The following HDAC9 variants were observed in gnomAD, a reference collection of about 807,000 sequenced individuals.
The protein encoded by HDAC9 is MEF-2 interacting transcription repressor (MITR) protein.
Under a neutral mutation model 139.4 loss-of-function variants are expected in HDAC9, and 41 were observed. The observed-to-expected ratio is 0.29, with a 90% CI of 0.23 to 0.38. HDAC9 has a LOEUF of 0.38. Among genes scored for constraint, HDAC9 ranks in the 10% least tolerant of loss-of-function variants. HDAC9 has a pLI of 1.00. For synonymous variants in HDAC9, 517 were observed against 476.2 expected, an observed-to-expected ratio of 1.09 and a Z score of -1.12; for missense variants, 1,147 against 1,297.0, an observed-to-expected ratio of 0.88 and a Z score of 1.78.
chr7:18,839,155 A>G (rs576029525), intron 21 of HDAC9, among the ~76,000 whole-genome samples: 5 of 152,074 alleles, frequency 3.3e-5, no homozygotes, highest in Non-Finnish European at 4.4e-5. Context: ...CAACTAAAAT[A>G]TATTTCCGAG....
chr7:18,859,800 G>T (rs1797956197), intron 21 of HDAC9, among the ~76,000 whole-genome samples: 1 of 88,792 alleles, frequency 1.1e-5, no homozygotes, highest in Non-Finnish European at 2.2e-5. Context: ...AAATATAAAG[G>T]CTAACGCTCT....
intron 23 of HDAC9, among the ~76,000 whole-genome samples, chr7:18,948,174 T>A (rs1782534140): frequency 6.6e-6 from 1 of 152,008 alleles, no homozygotes; most frequent in African/African-American, 2.4e-5. Flanking sequence ...ACGAAGATAC[T>A]CTTACTGCTT....
chr7:18,371,626 A>G (rs928145823), intron 1 of HDAC9, among the ~76,000 whole-genome samples: 1 of 152,214 alleles, frequency 6.6e-6, no homozygotes, highest in Non-Finnish European at 1.5e-5. Flanking sequence ...ACAATAGCAG[A>G]AACAATGGGT....
chr7:18,403,427 A>G (rs1274294849), intron 1 of HDAC9, among the ~76,000 whole-genome samples: 1 of 152,036 alleles, frequency 6.6e-6, no homozygotes, highest in Non-Finnish European at 1.5e-5. Flanking sequence ...ATTTCTTTCT[A>G]TCATAAAATC....
chr7:18,870,395 G>C (rs780757801), intron 21 of HDAC9, among the ~76,000 whole-genome samples: 10 of 151,980 alleles, frequency 6.6e-5, no homozygotes, highest in Non-Finnish European at 1.5e-4. Flanking sequence ...ATTTAAATTT[G>C]TTTAATATTT....
At chr7:18,568,026 GTATATATA>G (rs36203178) in intron 2 of HDAC9, among the ~76,000 whole-genome samples, 4,091 of 126,812 alleles carry the variant, frequency 0.032, 214 homozygotes, top group African/African-American at 0.099. Context: ...ATATGTATAT[GTATATATA>G]TATATATATA....
At chr7:18,542,538 A>T (rs1164529054) in intron 2 of HDAC9, among the ~76,000 whole-genome samples, 2 of 152,244 alleles carry the variant, frequency 1.3e-5, no homozygotes, top group Non-Finnish European at 2.9e-5. Context: ...CTTTGTATAG[A>T]ATATGTGCAG....
intron 21 of HDAC9, among the ~76,000 whole-genome samples, chr7:18,866,864 C>T (rs1322416915): frequency 6.6e-6 from 1 of 152,148 alleles, no homozygotes. Context: ...TGTGGTTCAA[C>T]TTAAGGACAA....
At position 18,644,775 on chromosome 7, in the gene HDAC9, A is replaced by G. The variant is rs377716329; in HGVS notation, c.1017A>G (p.Ala339=). 3 of 1,611,682 alleles carry G rather than the reference A, an allele frequency of 1.9e-6. No individual in the cohort carries two copies. In the African/African-American group the frequency reaches 4.0e-5, roughly 22 times the overall value. ...CCAACATTACCTTGGGGCTTCCCGC[A>G]GTGCCATCCCAGCTCAATGTAAGTC... ...SLPNITLGLP[A]VPSQLNASNS... The change falls in exon 9 of 26, where the codon GCA becomes GCG. Residue 339 remains alanine, a synonymous_variant. Transcript: ENST00000686413.
intron 13 of HDAC9, among the ~76,000 whole-genome samples, chr7:18,737,494 C>T (rs1307813806): frequency 6.6e-6 from 1 of 152,124 alleles, no homozygotes; most frequent in African/African-American, 2.4e-5. Flanking sequence ...GTTATTTACC[C>T]AGTAGTCATT....
chr7:18,928,875 A>G lies in HDAC9; in HGVS notation c.2804-6934A>G, dbSNP rs1371682625. 2.0e-5 allele frequency among the ~76,000 whole-genome samples: 3 copies of G among 151,972 alleles called. No homozygotes were observed. In the East Asian group the frequency reaches 5.8e-4, roughly 29 times the overall value. ...ATAACACTTTATATGATATATCACA[A>G]CATAGAGCCTGTTTATTATTATACT... On this transcript the variant is annotated intron_variant, in intron 22 of 25. Transcript: ENST00000686413.
At chr7:18,314,817 C>T (rs974134834) in intron 1 of HDAC9, among the ~76,000 whole-genome samples, 2 of 152,146 alleles carry the variant, frequency 1.3e-5, no homozygotes, top group Admixed American at 1.3e-4. Context: ...GTATTTCTAA[C>T]TTTGTGGCTG....
At chr7:18,174,941 G>T (rs899889234) in intron 2 of HDAC9, among the ~76,000 whole-genome samples, 4 of 152,206 alleles carry the variant, frequency 2.6e-5, no homozygotes, top group African/African-American at 7.2e-5. Context: ...CAGTCTGTCC[G>T]TTCTCCAATC....
chr7:18,542,560 A>T (rs2128623191), intron 2 of HDAC9, among the ~76,000 whole-genome samples: 1 of 152,350 alleles, frequency 6.6e-6, no homozygotes, highest in Non-Finnish European at 1.5e-5. Context: ...TACTTTTTTA[A>T]AAAGATTAAT....
chr7:18,291,099 A>G (rs1165608746), intron 1 of HDAC9, among the ~76,000 whole-genome samples: 5 of 152,142 alleles, frequency 3.3e-5, no homozygotes, highest in Admixed American at 6.6e-5. Context: ...CCCTCCTTCA[A>G]TCTAGTTGAA....
At chr7:18,087,236 C>A (rs1179330897) in intron 1 of HDAC9, 1 of 152,320 alleles carries the variant, frequency 6.6e-6, no homozygotes, top group Non-Finnish European at 1.5e-5. Context: ...ACGGCAGAGT[C>A]CCCGGCTGGT....
intron 1 of HDAC9, among the ~76,000 whole-genome samples, chr7:18,100,867 A>AT (rs547960104): frequency 6.6e-6 from 1 of 151,648 alleles, no homozygotes; most frequent in Non-Finnish European, 1.5e-5. Flanking sequence ...CTTCTTGAGT[A>AT]TTTTTTTTCT....
In HDAC9 at chr7:18,356,534, T is replaced by TTGC. The variant is rs915457046; in HGVS notation, c.-42+66021_-42+66023dup. On this transcript the variant is annotated intron_variant, in intron 1 of 3. Transcript: ENST00000413509. ...TGAATCCTCCCTTCCTTCCTGTTAG[T>TTGC]TGCTCCCTTTCACCTCTGGCTATTT... is the stretch of plus-strand genomic sequence containing the variant. 7.9e-5 allele frequency among the ~76,000 whole-genome samples: 12 copies of TTGC among 152,108 alleles called. No homozygotes were observed. In the East Asian group the frequency reaches 1.9e-3, roughly 24 times the overall value.
intron 1 of HDAC9, among the ~76,000 whole-genome samples, chr7:18,147,796 C>T (rs537230830): frequency 2.8e-4 from 43 of 151,514 alleles, no homozygotes; most frequent in African/African-American, 8.0e-4. Context: ...ATAAATATTA[C>T]GATATTATTT....
Sources: gnomAD v4.1 joint callset for allele counts (sites outside exome capture counted in the v4.1 genomes callset) on GRCh38, gnomAD v4.1.1 for gene constraint, MANE v1.5 for transcripts, NCBI Gene and HGNC (gene_info 2026-07-23, HGNC 2026-07-21) for gene names.